The following KIFC3 variants were observed in gnomAD, a reference collection of about 807,000 sequenced individuals.
The protein encoded by KIFC3 is kinesin-like protein KIFC3.
Under a neutral mutation model 101.8 loss-of-function variants are expected in KIFC3, and 60 were observed. The observed-to-expected ratio is 0.59, with a 90% confidence interval of 0.48 to 0.73. The LOEUF (loss-of-function observed/expected upper bound fraction) is 0.73. Among genes scored for constraint, KIFC3 ranks in the 30% least tolerant of loss-of-function variants. KIFC3 has a pLI of 0.00. For synonymous variants in KIFC3, 476 were observed against 482.7 expected, an observed-to-expected ratio of 0.99 and a Z score of 0.18; for missense variants, 966 against 1,137.1, an observed-to-expected ratio of 0.85 and a Z score of 2.16.
intron 2 of KIFC3, among the ~76,000 whole-genome samples, chr16:57,796,808 T>C (rs1340034996): frequency 6.6e-6 from 1 of 152,174 alleles, no homozygotes; most frequent in Non-Finnish European, 1.5e-5. Context: ...GTGACTAACT[T>C]GTGATTTTTA....
At chr16:57,787,923 T>C (rs1454059304) in intron 3 of KIFC3, among the ~76,000 whole-genome samples, 1 of 152,204 alleles carries the variant, frequency 6.6e-6, no homozygotes, top group Non-Finnish European at 1.5e-5. Flanking sequence ...CCAGCTCCTT[T>C]TTCCGTCACA....
chr16:57,795,286 C>G, intron 2 of KIFC3, 145 bp from the exon 3 acceptor site: 2 of 909,478 alleles, frequency 2.2e-6, no homozygotes, highest in South Asian at 3.6e-5. Context: ...GCTCACACAC[C>G]CAAAAAACGC....
chr16:57,829,466 G>A (rs1555478812), intron 1 of KIFC3, among the ~76,000 whole-genome samples: 4 of 152,156 alleles, frequency 2.6e-5, no homozygotes, highest in African/African-American at 9.7e-5. Context: ...TGTTGCCCAG[G>A]CTGGTCTTGA....
At chr16:57,819,467 C>T (rs1214457722) in intron 1 of KIFC3, among the ~76,000 whole-genome samples, 1 of 152,216 alleles carries the variant, frequency 6.6e-6, no homozygotes, top group Non-Finnish European at 1.5e-5. Context: ...GACACCAGCA[C>T]ACAGCAGCCA....
intron 1 of KIFC3, among the ~76,000 whole-genome samples, chr16:57,848,123 A>T (rs2055974483): frequency 6.6e-6 from 1 of 152,164 alleles, no homozygotes; most frequent in African/African-American, 2.4e-5. Flanking sequence ...CAATTTTTAA[A>T]TACTTTTAAA....
Position 57,775,843 on chromosome 16 carries a change from G to A in KIFC3, c.316-3555C>T, listed in dbSNP as rs572919913. Reference sequence around the variant, plus strand: ...TGGACGTCAATCCAGGGCTGAGGACGGACCAGGCTGGGGCTGTGCGACACT... The same window carrying A: ...TGGACGTCAATCCAGGGCTGAGGACAGACCAGGCTGGGGCTGTGCGACACT... On this transcript the variant is annotated intron_variant, in intron 3 of 19. Transcript: ENST00000445690. 2.0e-3 allele frequency: 1,999 copies of A among 985,600 alleles called. 3 individuals are homozygous for A. Among genetic ancestry groups the A allele is most frequent in the Admixed American group, 3.3e-3 (54 of 16,286 alleles). 61.1% of individuals were successfully genotyped at this position (985,600 alleles called of 1,614,324 possible).
Position 57,771,429 on chromosome 16 carries a change from G to A in KIFC3, c.534C>T (p.Ala178=), listed in dbSNP as rs1555608191. The part of the protein sequence containing the change: ...CPGCEHSQES[A]QLRDKLSQLQ... ...GCTGGGACAGCTTGTCACGGAGCTG[G>A]GCGCTCTCCTGCAGCCATTGGGAGG... The change falls in exon 6 of 20, where the codon GCC becomes GCT. Residue 178 remains alanine, a synonymous_variant. Coordinates refer to ENST00000445690, the MANE Select transcript of KIFC3 (RefSeq NM_001130100.2). The A allele has an allele frequency of 6.2e-7, 1 of 1,613,602 alleles. No homozygotes were observed. Among genetic ancestry groups the A allele is most frequent in the African/African-American group, 1.3e-5 (1 of 75,076 alleles).
chr16:57,759,689 TG>T, intron 18 of KIFC3, 38 bp downstream of exon 18: 1 of 1,510,882 alleles, frequency 6.6e-7, no homozygotes, highest in Non-Finnish European at 9.1e-7. Flanking sequence ...ACTATTACCC[TG>T]GGGAGACTCC....
intron 1 of KIFC3, among the ~76,000 whole-genome samples, chr16:57,841,964 C>T (rs2055822881): frequency 6.7e-6 from 1 of 149,528 alleles, no homozygotes; most frequent in Non-Finnish European, 1.5e-5. Context: ...TTAAAAATGT[C>T]ACTTCCTCGG....
At chr16:57,780,136 G>A (rs1232816323) in intron 3 of KIFC3, among the ~76,000 whole-genome samples, 1 of 152,166 alleles carries the variant, frequency 6.6e-6, no homozygotes, top group Non-Finnish European at 1.5e-5. Flanking sequence ...AATTTGGGTG[G>A]GGACACAGAG....
At chr16:57,759,300 C>CG (rs1295181645) in intron 18 of KIFC3, 147 bp from the exon 19 acceptor site, 1 of 973,702 alleles carries the variant, frequency 1.0e-6, no homozygotes, top group African/African-American at 1.6e-5. Flanking sequence ...CCCTGGGTCC[C>CG]GGTCCTGTGG....
In KIFC3 at chr16:57,761,306, C is replaced by T. The variant is rs1024243118; in HGVS notation, c.1872+107G>A. On this transcript the variant is annotated intron_variant, in intron 14 of 19. Transcript: ENST00000445690. Reference sequence around the variant, plus strand: ...GGAAACTGAGGCTCAGAGAGGCGTGCGGACTTGCCCAAGGGTGCGTGCTTA... The same window carrying T: ...GGAAACTGAGGCTCAGAGAGGCGTGTGGACTTGCCCAAGGGTGCGTGCTTA... The T allele has an allele frequency of 2.4e-5, 37 of 1,564,810 alleles. No individual in the cohort carries two copies. In the Admixed American group the frequency reaches 2.9e-4, roughly 12 times the overall value.
intron 1 of KIFC3, among the ~76,000 whole-genome samples, chr16:57,827,359 T>C (rs2055480722): frequency 6.6e-6 from 1 of 152,214 alleles, no homozygotes; most frequent in South Asian, 2.1e-4. Flanking sequence ...TGGTGAGGGC[T>C]GAGGCCAGAC....
At chr16:57,862,123 C>CTTA (rs1231864568) in intron 1 of KIFC3, among the ~76,000 whole-genome samples, 11 of 151,130 alleles carry the variant, frequency 7.3e-5, no homozygotes, top group South Asian at 2.1e-4. Context: ...TTTTGACGTC[C>CTTA]TTATTATTAT....
At chr16:57,858,980 T>C (rs1479090265) in intron 1 of KIFC3, among the ~76,000 whole-genome samples, 5 of 152,070 alleles carry the variant, frequency 3.3e-5, no homozygotes, top group Admixed American at 3.3e-4. Context: ...AAATACATAA[T>C]TGAATTCACA....
chr16:57,760,211 C>A (rs2049671826), intron 17 of KIFC3, 71 bp downstream of exon 17: 17 of 1,542,718 alleles, frequency 1.1e-5, no homozygotes, highest in Non-Finnish European at 8.8e-7. Flanking sequence ...CCGCCCAGCT[C>A]CCTGCTCCTG....
At chr16:57,843,164 T>C (rs767694079) in intron 1 of KIFC3, among the ~76,000 whole-genome samples, 3 of 151,914 alleles carry the variant, frequency 2.0e-5, no homozygotes, top group Non-Finnish European at 4.4e-5. Context: ...TAAATGTAAA[T>C]AAATAAATAT....
At chr16:57,771,106 A>G in intron 6 of KIFC3, 92 bp downstream of exon 6, 2 of 1,479,878 alleles carry the variant, frequency 1.4e-6, no homozygotes, top group Non-Finnish European at 1.9e-6. Flanking sequence ...ACACCTACCT[A>G]TTCACCAGGA....
In KIFC3 at chr16:57,816,453, C is replaced by T. The variant is rs1555628860; in HGVS notation, c.109-18171G>A. ...AAGGTTTTGGCCGCCACAGGGGAAA[C>T]TCTGGGCTCAGAGCTGCCGAAGTGA... On this transcript the variant is annotated intron_variant, in intron 1 of 2. Coordinates refer to the KIFC3 transcript ENST00000563028. 8.6e-6 allele frequency: 4 copies of T among 464,162 alleles called. No individual in the cohort carries two copies. The Admixed American group carries it at 9.4e-5, about 11-fold the overall frequency. 28.8% of individuals were successfully genotyped at this position (464,162 alleles called of 1,614,324 possible).
Sources: gnomAD v4.1 joint callset for allele counts (sites outside exome capture counted in the v4.1 genomes callset) on GRCh38, gnomAD v4.1.1 for gene constraint, MANE v1.5 for transcripts, NCBI Gene and HGNC (gene_info 2026-07-23, HGNC 2026-07-21) for gene names.